DPH1: variants seen among roughly 807,000 people sequenced by gnomAD.
DPH1 encodes the protein diphthamide biosynthesis 1.
A neutral mutation model predicts 55.3 loss-of-function variants in DPH1; 59 were observed. That is an observed-to-expected ratio of 1.07 (90% CI 0.87 to 1.33). The LOEUF is 1.33. DPH1 is among the 40% of genes most tolerant of loss of function. The probability of loss-of-function intolerance (pLI) is 0.00; values close to 1 mark genes in which losing one functional copy is unlikely to be tolerated. For synonymous variants in DPH1, 238 were observed against 235.5 expected (o/e 1.01, Z -0.10); for missense variants, 628 against 584.8 (o/e 1.07, Z -0.76).
Position 2,036,292 on chromosome 17 carries a change from C to T in DPH1, c.400+201C>T. 1 of 1,127,188 alleles carries T rather than the reference C, an allele frequency of 8.9e-7. No individual in the cohort carries two copies. The highest frequency in any genetic ancestry group is 1.2e-6 in the Non-Finnish European group (1 of 817,188). The allele number at this position is 1,127,188 out of a possible 1,614,324, so 69.8% of individuals were successfully genotyped here. On this transcript the variant is annotated intron_variant, in intron 4 of 12. Coordinates refer to ENST00000263083, the MANE Select transcript of DPH1 (RefSeq NM_001383.6). The surrounding 1 kb of genome is among the most constrained non-coding windows in gnomAD (Gnocchi z 4.8). ...TTGCCTTGGCAACGGTGCTCTGTCCCAGATGCAGGTGTTTGAAAGGCTGTT... is the reference window on the plus strand; with the variant it reads ...TTGCCTTGGCAACGGTGCTCTGTCCTAGATGCAGGTGTTTGAAAGGCTGTT...
chr17:2,033,056 T>G (rs1004735188), intron 1 of DPH1, among the ~76,000 whole-genome samples: 4 of 152,204 alleles, frequency 2.6e-5, no homozygotes, highest in Non-Finnish European at 5.9e-5. Context: ...AAGGCTGGGC[T>G]TCTGGGGATC....
chr17:2,033,971 T>G, intron 3 of DPH1, 129 bp downstream of exon 3: 1 of 1,039,198 alleles, frequency 9.6e-7, no homozygotes, highest in Non-Finnish European at 1.4e-6. Flanking sequence ...CCCCTTTCCC[T>G]CCCACAACCA....
Position 2,042,605 on chromosome 17 carries a change from G to C in DPH1, c.*19G>C, listed in dbSNP as rs780291111. 1 of 1,514,592 alleles carries C rather than the reference G, an allele frequency of 6.6e-7. No homozygotes were observed. Among genetic ancestry groups the C allele is most frequent in the Non-Finnish European group, 8.8e-7 (1 of 1,133,630 alleles). The allele number at this position is 1,514,592 out of a possible 1,614,324, so 93.8% of individuals were successfully genotyped here. On this transcript the variant is annotated splice_region_variant and 3_prime_UTR_variant, in exon 13 of 13. Transcript: ENST00000263083. ...ATCCTTTTTCCTCATATCGCTGTAGGGTCCTGCCCTCCGGAGGAGCAGCCT... is the reference window on the plus strand; with the variant it reads ...ATCCTTTTTCCTCATATCGCTGTAGCGTCCTGCCCTCCGGAGGAGCAGCCT...
intron 1 of DPH1, among the ~76,000 whole-genome samples, chr17:2,032,918 A>G (rs1223593937): frequency 6.6e-6 from 1 of 151,864 alleles, no homozygotes; most frequent in Non-Finnish European, 1.5e-5. Context: ...TTTTTAGTAG[A>G]GAGTAGTATT....
rs1567546984 is a variant in DPH1 at position 2,039,757 on chromosome 17, A to G, written c.683A>G (p.Tyr228Cys). ...RLSKEVEAVV[Y>C]LGDGRFHLES... Reference sequence around the variant, plus strand: ...TAGCCTCCTTTCCACCCCTGCAGGTATCTTGGAGATGGCCGCTTCCATCTG... The same window carrying G: ...TAGCCTCCTTTCCACCCCTGCAGGTGTCTTGGAGATGGCCGCTTCCATCTG... The change falls in exon 7 of 13, where the codon TAT becomes TGT. Residue 228 changes from tyrosine (Y) to cysteine (C), a missense_variant and splice_region_variant. Tyr to Cys is a radical substitution (Grantham distance 194). Coordinates refer to ENST00000263083, the MANE Select transcript of DPH1 (RefSeq NM_001383.6). 5 of 1,614,080 alleles carry G rather than the reference A, an allele frequency of 3.1e-6. No individual in the cohort carries two copies. The highest frequency in any genetic ancestry group is 3.4e-6 in the Non-Finnish European group (4 of 1,179,992).
Position 2,040,523 on chromosome 17 carries a change from C to T in DPH1, c.925C>T (p.Arg309Ter), listed in dbSNP as rs750726709. The change falls in exon 9 of 13, where the codon CGA becomes TGA. Residue 309 changes from arginine to a stop codon, truncating the protein, a stop_gained. Transcript: ENST00000263083. LOFTEE classifies it high-confidence loss of function. The part of the protein sequence containing the change: ...KILEHLESRL[R>*]ALGLSFVRLL... ...CCAACAGCACCTGGAATCTCGACTC[C>T]GAGCCTTGGGCCTTTCCTTTGTGAG... 33 of 1,614,060 alleles carry T rather than the reference C, an allele frequency of 2.0e-5. No individual in the cohort carries two copies. The highest frequency in any genetic ancestry group is 4.5e-5 in the East Asian group (2 of 44,882).
intron 6 of DPH1, chr17:2,039,037 C>G (rs943982056): frequency 2.0e-5 from 3 of 151,916 alleles, no homozygotes; most frequent in Non-Finnish European, 4.4e-5. Flanking sequence ...AGGCACAGCA[C>G]AGCCAGCTGT....
At chr17:2,031,007 C>T (rs984819603) in intron 1 of DPH1, among the ~76,000 whole-genome samples, 1 of 152,242 alleles carries the variant, frequency 6.6e-6, no homozygotes, top group Non-Finnish European at 1.5e-5. Flanking sequence ...GTGTGGGGCC[C>T]TAGCAGAAGT....
At chr17:2,033,964 C>G (rs1480728302) in intron 3 of DPH1, 122 bp downstream of exon 3, 2 of 1,097,476 alleles carry the variant, frequency 1.8e-6, no homozygotes, top group East Asian at 4.9e-5. Context: ...CACCTTCCCC[C>G]TTTCCCTCCC....
At position 2,040,572 on chromosome 17, in the gene DPH1, C is replaced by G. The variant is rs1257899654; in HGVS notation, c.974C>G (p.Pro325Arg). Reference sequence around the variant, plus strand: ...AGGCTGCTGCTCTCTGAGATCTTCCCCAGCAAGCTTAGCCTACTTCCTGAG... The same window carrying G: ...AGGCTGCTGCTCTCTGAGATCTTCCGCAGCAAGCTTAGCCTACTTCCTGAG... The part of the protein sequence containing the change: ...FVRLLLSEIF[P>R]SKLSLLPEVD... Residue 325 changes from proline (P) to arginine (R), a missense_variant, in exon 9 of 13, where the codon CCC becomes CGC. Physicochemically the swap from Pro to Arg is moderately radical, Grantham distance 103. Transcript: ENST00000263083. 6.2e-7 allele frequency: 1 copy of G among 1,614,092 alleles called. No homozygotes were observed. The highest frequency in any genetic ancestry group is 8.5e-7 in the Non-Finnish European group (1 of 1,180,054).
At chr17:2,039,612 C>G (rs2067481303) in intron 6 of DPH1, 143 bp from the exon 7 acceptor site, 1 of 894,666 alleles carries the variant, frequency 1.1e-6, no homozygotes, top group South Asian at 1.4e-5. Context: ...CTCCTGACCT[C>G]ATGATCCGCC....
At chr17:2,032,835 C>G (rs2067349264) in intron 1 of DPH1, among the ~76,000 whole-genome samples, 1 of 152,220 alleles carries the variant, frequency 6.6e-6, no homozygotes. Flanking sequence ...GCTCCGCCTC[C>G]CGGGTTCACC....
At chr17:2,030,466 A>G (rs2067316153) in intron 1 of DPH1, among the ~76,000 whole-genome samples, 1 of 152,182 alleles carries the variant, frequency 6.6e-6, no homozygotes, top group Admixed American at 6.5e-5. Context: ...CCAATCGGAA[A>G]CTACAGCCTT....
chr17:2,035,763 A>G lies in DPH1; in HGVS notation c.279-207A>G, dbSNP rs560458465. Reference sequence around the variant, plus strand: ...GAGGAATGAGGGTCCTCACGCAGCAACAGTTCCAGGAGCGGCTGCCAGGCT... The same window carrying G: ...GAGGAATGAGGGTCCTCACGCAGCAGCAGTTCCAGGAGCGGCTGCCAGGCT... On this transcript the variant is annotated intron_variant, in intron 3 of 12. Coordinates refer to ENST00000263083, the MANE Select transcript of DPH1 (RefSeq NM_001383.6). 5.7e-3 allele frequency among the ~76,000 whole-genome samples: 866 copies of G among 152,136 alleles called. 4 individuals carry two copies. Among genetic ancestry groups the G allele is most frequent in the Non-Finnish European group, 8.8e-3 (598 of 67,960 alleles).
Position 2,043,211 on chromosome 17 carries a change from A to G in DPH1, c.*625A>G, listed in dbSNP as rs879040106. 11 of 1,332,172 alleles carry G rather than the reference A, an allele frequency of 8.3e-6. No individual in the cohort carries two copies. The East Asian group carries it at 1.4e-4, about 17-fold the overall frequency. The allele number at this position is 1,332,172 out of a possible 1,614,324, so 82.5% of individuals were successfully genotyped here. On this transcript the variant is annotated 3_prime_UTR_variant, in exon 13 of 13. Coordinates refer to ENST00000263083, the MANE Select transcript of DPH1 (RefSeq NM_001383.6). ...CTCACTGCTGTGAGTGCGCCTCACC[A>G]GAACCAGTTAAGAGACAACTATCAA...
chr17:2,033,707 C>T (rs765402647), intron 2 of DPH1, 50 bp downstream of exon 2: 51 of 1,613,696 alleles, frequency 3.2e-5, no homozygotes, highest in Non-Finnish European at 4.2e-5. Context: ...GTTGCCTGGC[C>T]CAGATGGGAC....
intron 1 of DPH1, chr17:2,033,291 G>T: frequency 1.5e-6 from 1 of 668,530 alleles, no homozygotes. Flanking sequence ...GGTGACTGTT[G>T]TTTATTATCT....
rs1195770762 is a variant in DPH1, at chr17:2,038,368, GC to G, written c.681-1383del. Among the ~76,000 whole-genome samples, 4 of 152,112 alleles carry G rather than the reference GC, an allele frequency of 2.6e-5. No individual in the cohort carries two copies. The South Asian group carries it at 8.3e-4, about 32-fold the overall frequency. ...AGCTTTTGTTATAACTCAGTAACTG[GC>G]CCCAAGAGCTAGTTTGGGCAGAAAG... On this transcript the variant is annotated intron_variant, in intron 6 of 12. Transcript: ENST00000263083.
chr17:2,036,405 C>T lies in DPH1; in HGVS notation c.401-124C>T, dbSNP rs760860304. 3.0e-6 allele frequency: 4 copies of T among 1,313,050 alleles called. No individual in the cohort carries two copies. The highest frequency in any genetic ancestry group is 2.1e-6 in the Non-Finnish European group (2 of 943,904). The allele number at this position is 1,313,050 out of a possible 1,614,324, so 81.3% of individuals were successfully genotyped here. A position where few individuals can be genotyped will look rare whatever the true frequency, so the allele number is the denominator to read the frequency against. On this transcript the variant is annotated intron_variant, in intron 4 of 12. Coordinates refer to ENST00000263083, the MANE Select transcript of DPH1 (RefSeq NM_001383.6). The surrounding 1 kb of genome is among the most constrained non-coding windows in gnomAD (Gnocchi z 4.8). ...AGGGGATCTGTGACCCCCCTCTTCT[C>T]CTACCCTGTCCTTTTACCCCCAGGC...
Sources: allele counts gnomAD v4.1 joint callset (sites outside exome capture counted in the v4.1 genomes callset), GRCh38; gene constraint gnomAD v4.1.1; non-coding constraint Gnocchi (gnomAD v3.1); transcripts MANE v1.5; gene names NCBI Gene and HGNC (gene_info 2026-07-23, HGNC 2026-07-21).